Variants in RAPGEF5 observed in about 807,000 individuals in gnomAD.
The protein encoded by RAPGEF5 is M-Ras-regulated GEF.
RAPGEF5 carries 65 observed loss-of-function variants against 125.2 expected under a neutral mutation model. The ratio of observed to expected loss-of-function variants is 0.52; its 90% CI spans 0.43 to 0.64. The LOEUF is 0.64. RAPGEF5 is among the 30% of genes least tolerant of loss of function. The pLI is 0.00. For synonymous variants in RAPGEF5, 391 were observed against 385.9 expected, an observed-to-expected ratio of 1.01 and a Z score of -0.16; for missense variants, 958 against 1,048.1, an observed-to-expected ratio of 0.91 and a Z score of 1.19.
intron 1 of RAPGEF5, among the ~76,000 whole-genome samples, chr7:22,332,236 G>A (rs551417519): frequency 1.3e-3 from 203 of 152,268 alleles, no homozygotes; most frequent in African/African-American, 4.3e-3. Flanking sequence ...TTCTCTACCA[G>A]GGCACTCGAA....
In RAPGEF5 at chr7:22,203,848, CAG is replaced by C. The variant is rs139740619; in HGVS notation, c.997-9817_997-9816del. Among the ~76,000 whole-genome samples the C allele has an allele frequency of 3.3e-3, 506 of 152,246 alleles. 2 individuals are homozygous for C. Among genetic ancestry groups the C allele is most frequent in the African/African-American group, 0.012 (487 of 41,524 alleles). On this transcript the variant is annotated intron_variant, in intron 9 of 25. Coordinates refer to ENST00000665637, the MANE Select transcript of RAPGEF5 (RefSeq NM_012294.5). ...GGTACAGTGTGCACACATGACCTGA[CAG>C]AGGCCTATTTGAGATCACGTCGGAA...
At chr7:22,279,084 A>G (rs1038720020) in intron 6 of RAPGEF5, among the ~76,000 whole-genome samples, 2 of 152,170 alleles carry the variant, frequency 1.3e-5, no homozygotes, top group Non-Finnish European at 1.5e-5. Context: ...CACTGAATCC[A>G]TAGGCTCTTT....
intron 1 of RAPGEF5, among the ~76,000 whole-genome samples, chr7:22,335,135 T>C (rs934403629): frequency 1.4e-4 from 21 of 152,244 alleles, no homozygotes; most frequent in Admixed American, 1.4e-3. Flanking sequence ...GGCAGGGGCA[T>C]GCATGTTTAT....
intron 7 of RAPGEF5, among the ~76,000 whole-genome samples, chr7:22,255,376 C>A (rs1051509831): frequency 6.6e-6 from 1 of 152,016 alleles, no homozygotes; most frequent in Non-Finnish European, 1.5e-5. Context: ...ACTGCTTGAG[C>A]CCAGGAGCTT....
intron 7 of RAPGEF5, among the ~76,000 whole-genome samples, chr7:22,232,078 G>C (rs538910117): frequency 6.6e-6 from 1 of 152,236 alleles, no homozygotes; most frequent in South Asian, 2.1e-4. Context: ...TGGAACACTG[G>C]AGCTATATTT....
At chr7:22,228,043 A>G (rs1017754029) in intron 8 of RAPGEF5, among the ~76,000 whole-genome samples, 2 of 152,340 alleles carry the variant, frequency 1.3e-5, no homozygotes, top group African/African-American at 4.8e-5. Flanking sequence ...CCAGTTAGAT[A>G]CTTTAAATAT....
intron 17 of RAPGEF5, among the ~76,000 whole-genome samples, chr7:22,150,883 T>TAC (rs1169349122): frequency 6.6e-6 from 1 of 152,250 alleles, no homozygotes; most frequent in Non-Finnish European, 1.5e-5. Context: ...TGTATATATA[T>TAC]ACACACACAA....
intron 3 of RAPGEF5, among the ~76,000 whole-genome samples, chr7:22,311,935 T>G (rs960704547): frequency 6.6e-6 from 1 of 152,240 alleles, no homozygotes; most frequent in Non-Finnish European, 1.5e-5. Context: ...CCATCTTAAT[T>G]CATATTCTCA....
At chr7:22,197,893 T>TGGGGGG (rs56101457) in intron 9 of RAPGEF5, among the ~76,000 whole-genome samples, 20 of 116,298 alleles carry the variant, frequency 1.7e-4, no homozygotes, top group South Asian at 3.1e-4. Context: ...TCTTTTTTTT[T>TGGGGGG]GGGGGGGGGT....
chr7:22,157,266 T>A (rs903558318), intron 15 of RAPGEF5, among the ~76,000 whole-genome samples: 3 of 152,230 alleles, frequency 2.0e-5, no homozygotes, highest in Non-Finnish European at 4.4e-5. Context: ...ATTACATTTT[T>A]CATGGAAGCA....
At chr7:22,213,392 C>T (rs1785555076) in intron 9 of RAPGEF5, among the ~76,000 whole-genome samples, 1 of 152,170 alleles carries the variant, frequency 6.6e-6, no homozygotes, top group Non-Finnish European at 1.5e-5. Context: ...AATGTGTTTG[C>T]CAGATTTTAC....
intron 15 of RAPGEF5, 63 bp from the exon 16 acceptor site, chr7:22,156,951 T>C: frequency 6.3e-7 from 1 of 1,596,832 alleles, no homozygotes; most frequent in Non-Finnish European, 8.5e-7. Context: ...AAACCATAGC[T>C]GTTTACAATA....
chr7:22,208,755 C>A (rs139670589), intron 9 of RAPGEF5, among the ~76,000 whole-genome samples: 1 of 152,294 alleles, frequency 6.6e-6, no homozygotes, highest in African/African-American at 2.4e-5. Context: ...TGGATTGAAG[C>A]AATCTAAAAA....
At chr7:22,303,767 AT>A (rs1171621604) in intron 5 of RAPGEF5, among the ~76,000 whole-genome samples, 7 of 152,234 alleles carry the variant, frequency 4.6e-5, no homozygotes, top group Non-Finnish European at 7.3e-5. Context: ...GAAGCATGGA[AT>A]TTTTTTAAAT....
At chr7:22,351,997 G>T (rs1489235054) in intron 1 of RAPGEF5, among the ~76,000 whole-genome samples, 1 of 152,198 alleles carries the variant, frequency 6.6e-6, no homozygotes, top group African/African-American at 2.4e-5. Context: ...CAGGCCATAA[G>T]AACCCTGGCT....
intron 15 of RAPGEF5, 118 bp downstream of exon 15, chr7:22,157,737 C>T (rs925490392): frequency 2.3e-5 from 27 of 1,151,912 alleles, no homozygotes; most frequent in Middle Eastern, 1.9e-4. Context: ...CCAGGCGCCC[C>T]GCCTTGTCGT....
At chr7:22,285,872 A>G (rs1372988165) in intron 6 of RAPGEF5, among the ~76,000 whole-genome samples, 2 of 152,216 alleles carry the variant, frequency 1.3e-5, no homozygotes, top group Admixed American at 6.5e-5. Flanking sequence ...ATCCCACAAG[A>G]AAGTTGGATG....
At chr7:22,166,770 T>A (rs573636552) in intron 12 of RAPGEF5, among the ~76,000 whole-genome samples, 43 of 152,346 alleles carry the variant, frequency 2.8e-4, no homozygotes, top group African/African-American at 9.9e-4. Flanking sequence ...CTCTGGGGTT[T>A]ACCCAGCAGG....
Position 22,295,016 on chromosome 7 carries a change from C to T in RAPGEF5, c.681-3775G>A, listed in dbSNP as rs1056839220. Among the ~76,000 whole-genome samples the T allele has an allele frequency of 1.8e-4, 27 of 152,222 alleles. 1 individual carries two copies. The highest frequency in any genetic ancestry group is 1.6e-3 in the Admixed American group (25 of 15,274). ...AACACCCATCACCACTCATGCTGTA[C>T]ATTAGACCTCCAGAACTTGCTCAAT... On this transcript the variant is annotated intron_variant, in intron 5 of 25. Transcript: ENST00000665637.
Sources: allele counts gnomAD v4.1 joint callset (sites outside exome capture counted in the v4.1 genomes callset), GRCh38; gene constraint gnomAD v4.1.1; transcripts MANE v1.5; gene names NCBI Gene and HGNC (gene_info 2026-07-23, HGNC 2026-07-21).